The following VPS53 variants were observed in gnomAD, a reference collection of about 807,000 sequenced individuals.
VPS53 encodes the protein vacuolar protein sorting-associated protein 53 homolog.
A neutral mutation model predicts 107.0 loss-of-function variants in VPS53; 70 were observed. The observed-to-expected ratio is 0.65, with a 90% CI of 0.54 to 0.80. The LOEUF is 0.80. Ranked by LOEUF, VPS53 falls within the 30% of genes least tolerant of loss-of-function variation. The pLI is 0.00. For missense variants in VPS53, 917 were observed against 1,049.4 expected (o/e 0.87, Z 1.74); for synonymous variants, 409 against 393.3 (o/e 1.04, Z -0.47).
At chr17:528,373 TCTTTCA>T (rs1909276750) in intron 19 of VPS53, among the ~76,000 whole-genome samples, 1 of 152,208 alleles carries the variant, frequency 6.6e-6, no homozygotes, top group African/African-American at 2.4e-5. Context: ...GTGTCTGGCT[TCTTTCA>T]CTTAACATGG....
At chr17:557,991 C>G (rs1912590733) in intron 15 of VPS53, among the ~76,000 whole-genome samples, 1 of 151,846 alleles carries the variant, frequency 6.6e-6, no homozygotes, top group African/African-American at 2.4e-5. Context: ...TCCCAAGTAG[C>G]TGAGACCACA....
chr17:623,006 G>A (rs190902282), intron 11 of VPS53, among the ~76,000 whole-genome samples: 13 of 151,994 alleles, frequency 8.6e-5, no homozygotes, highest in Non-Finnish European at 1.5e-4. Context: ...AGAGGTTTCC[G>A]GAGTGAAAAT....
chr17:694,798 C>A (rs1972891896), intron 4 of VPS53, among the ~76,000 whole-genome samples: 1 of 152,172 alleles, frequency 6.6e-6, no homozygotes, highest in Non-Finnish European at 1.5e-5. Flanking sequence ...GATGGGGTCT[C>A]GCTCTGTCAT....
At position 710,985 on chromosome 17, in the gene VPS53, G is replaced by A. The variant is rs369385164; in HGVS notation, c.88-372C>T. Among the ~76,000 whole-genome samples, 278 of 152,196 alleles carry A rather than the reference G, an allele frequency of 1.8e-3. 3 individuals carry two copies. In the South Asian group the frequency reaches 0.041, roughly 22 times the overall value. On this transcript the variant is annotated intron_variant, in intron 1 of 21. Transcript: ENST00000437048. ...AATTAATTAATTAAAATAAGGCTGCGCGGATCGCTTGAGCTCAGGAGTTGG... is the reference window on the plus strand; with the variant it reads ...AATTAATTAATTAAAATAAGGCTGCACGGATCGCTTGAGCTCAGGAGTTGG...
intron 19 of VPS53, among the ~76,000 whole-genome samples, chr17:523,942 C>T (rs1908934145): frequency 6.6e-6 from 1 of 152,148 alleles, no homozygotes; most frequent in African/African-American, 2.4e-5. Flanking sequence ...CTCGGAGGAA[C>T]CCAGAACAAG....
chr17:560,687 C>T (rs868467284), intron 14 of VPS53, 114 bp from the exon 15 acceptor site: 12 of 1,230,796 alleles, frequency 9.7e-6, no homozygotes, highest in Middle Eastern at 4.9e-4. Flanking sequence ...GGACATGGCC[C>T]AAATCAATTC....
chr17:521,950 T>C (rs1240279853), intron 19 of VPS53, among the ~76,000 whole-genome samples: 1 of 152,038 alleles, frequency 6.6e-6, no homozygotes, highest in Non-Finnish European at 1.5e-5. Context: ...TATGTGTACG[T>C]ATATAAAAAA....
chr17:671,706 C>CTTTTTT (rs113856697), intron 4 of VPS53, among the ~76,000 whole-genome samples: 37 of 138,654 alleles, frequency 2.7e-4, no homozygotes, highest in Non-Finnish European at 3.6e-4. Context: ...TTTCCCATGA[C>CTTTTTT]TTTTTTTTTT....
intron 7 of VPS53, among the ~76,000 whole-genome samples, chr17:652,240 C>T (rs1429585112): frequency 6.6e-6 from 1 of 152,130 alleles, no homozygotes; most frequent in Non-Finnish European, 1.5e-5. Context: ...GGTGATCCAC[C>T]CGCCTCGGCC....
At chr17:677,550 T>C (rs1284903412) in intron 4 of VPS53, among the ~76,000 whole-genome samples, 1 of 152,118 alleles carries the variant, frequency 6.6e-6, no homozygotes, top group Non-Finnish European at 1.5e-5. Context: ...GTGGTGGTTG[T>C]ACATTATGAA....
chr17:564,901 C>T (rs1301901456), intron 13 of VPS53, among the ~76,000 whole-genome samples: 1 of 152,180 alleles, frequency 6.6e-6, no homozygotes, highest in Non-Finnish European at 1.5e-5. Flanking sequence ...GCCTGCACAG[C>T]TGTGCTGTGT....
rs879739886 is a variant in VPS53, at chr17:617,414, G to GT, written c.1116+6118dup. Among the ~76,000 whole-genome samples the GT allele has an allele frequency of 1.4e-4, 22 of 152,300 alleles. 1 individual carries two copies. In the East Asian group the frequency reaches 2.7e-3, roughly 19 times the overall value. ...CTGTTCCTATTTCCTTTCCTTTTCT[G>GT]TTTTTTTGAGACAGTCTCACTTTGT... On this transcript the variant is annotated intron_variant, in intron 11 of 21. Coordinates refer to ENST00000437048, the MANE Select transcript of VPS53 (RefSeq NM_001128159.3).
intron 12 of VPS53, among the ~76,000 whole-genome samples, chr17:587,769 A>G (rs405203): frequency 0.59 from 89,728 of 151,600 alleles, 27,157 homozygotes; most frequent in Middle Eastern, 0.73. Context: ...GTTGATACTA[A>G]ATCATAATTT....
rs149996743 is a variant in VPS53 at position 553,224 on chromosome 17, T to C, written c.1787+156A>G. The stretch of plus-strand genomic sequence containing the variant: ...TGTGTAGTGGAGAAAGGGCAGGCAG[T>C]GAGCAAGCGTGTACAAGGTATATAC... On this transcript the variant is annotated intron_variant, in intron 16 of 21. Transcript: ENST00000437048. The C allele has an allele frequency of 0.033, 14,512 of 433,826 alleles. 341 individuals carry two copies. Among genetic ancestry groups the C allele is most frequent in the South Asian group, 0.05 (1,811 of 36,150 alleles). 26.9% of individuals were successfully genotyped at this position (433,826 alleles called of 1,614,324 possible). A position where few individuals can be genotyped will look rare whatever the true frequency, so the allele number is the denominator to read the frequency against.
intron 5 of VPS53, chr17:656,710 G>A (rs1971203444): frequency 3.3e-6 from 2 of 605,836 alleles, no homozygotes; most frequent in Admixed American, 2.4e-5. Flanking sequence ...ATGTGTGTGT[G>A]TGTGTGTGTG....
At chr17:632,716 G>A (rs981675936) in intron 7 of VPS53, 2 of 456,204 alleles carry the variant, frequency 4.4e-6, no homozygotes, top group Non-Finnish European at 8.8e-6. Context: ...ATCTCCATGA[G>A]TTTACTTTGA....
intron 5 of VPS53, chr17:656,881 C>T: frequency 1.9e-6 from 3 of 1,572,448 alleles, no homozygotes; most frequent in South Asian, 2.2e-5. Flanking sequence ...GAAGAGAAAT[C>T]CATCGTTTGT....
At chr17:710,497 G>A in intron 2 of VPS53, 36 bp downstream of exon 2, 1 of 1,544,074 alleles carries the variant, frequency 6.5e-7, no homozygotes, top group Non-Finnish European at 9.0e-7. Flanking sequence ...TGTGCCAAAA[G>A]CTGCTGAAAG....
intron 4 of VPS53, among the ~76,000 whole-genome samples, chr17:680,394 T>C (rs1972343536): frequency 6.6e-6 from 1 of 151,878 alleles, no homozygotes; most frequent in African/African-American, 2.4e-5. Context: ...TTAACATGAA[T>C]CAAAATCCCA....
Sources: gnomAD v4.1 joint callset for allele counts (sites outside exome capture counted in the v4.1 genomes callset) on GRCh38, gnomAD v4.1.1 for gene constraint, MANE v1.5 for transcripts, NCBI Gene and HGNC (gene_info 2026-07-23, HGNC 2026-07-21) for gene names.